Variants in RELN observed in about 807,000 individuals in gnomAD.
RELN encodes reelin.
Under a neutral mutation model 427.6 loss-of-function variants are expected in RELN, and 108 were observed. The ratio of observed to expected loss-of-function variants is 0.25; its 90% CI spans 0.22 to 0.30. The LOEUF (loss-of-function observed/expected upper bound fraction) is 0.30. Ranked by LOEUF, RELN falls within the 10% of genes least tolerant of loss-of-function variation. The pLI, the probability that RELN is intolerant of heterozygous loss-of-function variation, is 1.00. For missense variants in RELN, 3,715 were observed against 4,302.8 expected, an observed-to-expected ratio of 0.86 and a Z score of 3.82; for synonymous variants, 1,524 against 1,513.4, an observed-to-expected ratio of 1.01 and a Z score of -0.16.
Position 103,553,523 on chromosome 7 carries a change from C to T in RELN, c.6010G>A (p.Gly2004Ser), listed in dbSNP as rs1830456992. 6.2e-7 allele frequency: 1 copy of T among 1,613,882 alleles called. No individual in the cohort carries two copies. The highest frequency in any genetic ancestry group is 1.1e-5 in the South Asian group (1 of 91,066). Reference sequence around the variant, plus strand: ...TCACGGGTGGTAATGGAATGCTCACCAACTTCATTTGAAACAAACACCATA... The same window carrying T: ...TCACGGGTGGTAATGGAATGCTCACTAACTTCATTTGAAACAAACACCATA... ...SAMVFVSNEV[G>S]EHSITTRDLN... Residue 2004 changes from glycine (G) to serine (S), a missense_variant, in exon 40 of 65, where the codon GGT becomes AGT. Gly to Ser is a moderately conservative substitution (Grantham distance 56). Transcript: ENST00000428762.
rs544824551 is a variant in RELN, at chr7:103,531,283, C to T, written c.7349+4033G>A. ...CATAGGGGTGAAAAGGCAGAGCCCT[C>T]CACTCTACTACAATGCTTTTTGTTC... On this transcript the variant is annotated intron_variant, in intron 46 of 64. Transcript: ENST00000428762. Among the ~76,000 whole-genome samples the T allele has an allele frequency of 3.0e-3, 462 of 152,280 alleles. 2 individuals carry two copies. Among genetic ancestry groups the T allele is most frequent in the African/African-American group, 0.011 (447 of 41,556 alleles).
intron 2 of RELN, among the ~76,000 whole-genome samples, chr7:103,865,386 A>G (rs1282359682): frequency 3.3e-5 from 5 of 152,142 alleles, no homozygotes; most frequent in East Asian, 3.9e-4. Context: ...GGATACTTCC[A>G]AACTCATTTT....
chr7:103,672,974 TG>T (rs1340156270), intron 11 of RELN, among the ~76,000 whole-genome samples: 1 of 152,156 alleles, frequency 6.6e-6, no homozygotes, highest in African/African-American at 2.4e-5. Context: ...TACATTTGTC[TG>T]GTATATTAGT....
chr7:103,920,585 T>C (rs1023375906), intron 1 of RELN, among the ~76,000 whole-genome samples: 2 of 58,760 alleles, frequency 3.4e-5, no homozygotes, highest in African/African-American at 6.3e-5. Context: ...TTTTGTTTTT[T>C]TTTTTTTTGA....
At chr7:103,780,212 C>T (rs1422360175) in intron 3 of RELN, among the ~76,000 whole-genome samples, 1 of 152,184 alleles carries the variant, frequency 6.6e-6, no homozygotes, top group Non-Finnish European at 1.5e-5. Context: ...CTCTCAACCC[C>T]TTCTCCCACA....
chr7:103,512,707 A>G (rs975780134), intron 50 of RELN: 2 of 152,240 alleles, frequency 1.3e-5, no homozygotes, highest in African/African-American at 4.8e-5. Context: ...CAGAAAAGTT[A>G]GAAATTAAAC....
chr7:103,845,071 A>C (rs1793640659), intron 2 of RELN, among the ~76,000 whole-genome samples: 1 of 152,186 alleles, frequency 6.6e-6, no homozygotes, highest in Non-Finnish European at 1.5e-5. Context: ...TATCCATAGC[A>C]ATGTTTTGTC....
intron 2 of RELN, among the ~76,000 whole-genome samples, chr7:103,913,807 A>T (rs932499855): frequency 2.0e-5 from 3 of 152,204 alleles, no homozygotes; most frequent in African/African-American, 7.2e-5. Flanking sequence ...CATATTATCA[A>T]ATTTTACTTT....
At chr7:103,738,478 T>C (rs575692298) in intron 6 of RELN, among the ~76,000 whole-genome samples, 11 of 151,960 alleles carry the variant, frequency 7.2e-5, no homozygotes, top group Non-Finnish European at 1.3e-4. Flanking sequence ...AATGCATCCA[T>C]CTATGTAACC....
chr7:103,552,269 C>T (rs362791), intron 40 of RELN, among the ~76,000 whole-genome samples: 26,639 of 152,060 alleles, frequency 0.18, 3,153 homozygotes, highest in East Asian at 0.38. Context: ...AATTTCCCCT[C>T]TCCAATTGAG....
At chr7:103,806,077 A>G (rs940029096) in intron 3 of RELN, among the ~76,000 whole-genome samples, 11 of 152,248 alleles carry the variant, frequency 7.2e-5, no homozygotes, top group Non-Finnish European at 1.3e-4. Flanking sequence ...AGGAAAATAT[A>G]GTATGTATTT....
intron 63 of RELN, among the ~76,000 whole-genome samples, chr7:103,481,591 A>G (rs1828240035): frequency 6.6e-6 from 1 of 152,172 alleles, no homozygotes; most frequent in African/African-American, 2.4e-5. Context: ...GCATTGGGAC[A>G]TTTTTTGATG....
chr7:103,637,615 T>G (rs1008153846), intron 17 of RELN, among the ~76,000 whole-genome samples: 2 of 152,188 alleles, frequency 1.3e-5, no homozygotes, highest in African/African-American at 4.8e-5. Context: ...AGCATGAAGT[T>G]TGAAGGTTGT....
intron 20 of RELN, among the ~76,000 whole-genome samples, chr7:103,623,385 T>C (rs1832261515): frequency 6.6e-6 from 1 of 152,240 alleles, no homozygotes; most frequent in Non-Finnish European, 1.5e-5. Context: ...AATTTCTGTA[T>C]AAGCTACAGG....
intron 57 of RELN, among the ~76,000 whole-genome samples, chr7:103,494,393 G>GTGTGTGTGTGTGTGTGT (rs60783765): frequency 4.6e-5 from 7 of 150,976 alleles, no homozygotes; most frequent in South Asian, 4.2e-4. Flanking sequence ...GTGTGTGTGT[G>GTGTGTGTGTGTGTGTGT]GGATATGGTC....
At position 103,896,460 on chromosome 7, in the gene RELN, A is replaced by C. The variant is rs573627835; in HGVS notation, c.337+20615T>G. On this transcript the variant is annotated intron_variant, in intron 2 of 64. Coordinates refer to ENST00000428762, the MANE Select transcript of RELN (RefSeq NM_005045.4). ...AACAAACATAAACATACTACTCAACAATAAAAAAGAACAAACTACTGAGTA... is the reference window on the plus strand; with the variant it reads ...AACAAACATAAACATACTACTCAACCATAAAAAAGAACAAACTACTGAGTA... Among the ~76,000 whole-genome samples the C allele has an allele frequency of 1.2e-4, 18 of 152,250 alleles. No individual in the cohort carries two copies. In the East Asian group the frequency reaches 3.5e-3, roughly 29 times the overall value.
chr7:103,522,212 C>G lies in RELN; in HGVS notation c.7491-13G>C. On this transcript the variant is annotated splice_polypyrimidine_tract_variant and intron_variant, in intron 47 of 64. Coordinates refer to ENST00000428762, the MANE Select transcript of RELN (RefSeq NM_005045.4). ...CTGTTCATCACAGCTGGGTGCAGAG[C>G]AAGAGAGAGGAAAAGTCAACATCAG... 1 of 1,613,474 alleles carries G rather than the reference C, an allele frequency of 6.2e-7. No homozygotes were observed. Among genetic ancestry groups the G allele is most frequent in the Non-Finnish European group, 8.5e-7 (1 of 1,179,896 alleles).
intron 1 of RELN, among the ~76,000 whole-genome samples, chr7:103,949,022 C>CAAAAAA (rs66678362): frequency 3.4e-5 from 3 of 88,864 alleles, no homozygotes; most frequent in African/African-American, 1.4e-4. Flanking sequence ...ACATTGTCTC[C>CAAAAAA]AAAAAAAAAA....
intron 36 of RELN, 114 bp downstream of exon 36, chr7:103,561,418 G>A (rs1830638394): frequency 1.1e-6 from 1 of 895,614 alleles, no homozygotes; most frequent in Admixed American, 1.7e-5. Context: ...CAATAACTAT[G>A]TATTAAATAT....
Sources: allele counts gnomAD v4.1 joint callset (sites outside exome capture counted in the v4.1 genomes callset), GRCh38; gene constraint gnomAD v4.1.1; transcripts MANE v1.5; gene names NCBI Gene and HGNC (gene_info 2026-07-23, HGNC 2026-07-21).